Variants in TRIM34 observed in about 807,000 individuals in gnomAD.
The protein encoded by TRIM34 is tripartite motif containing 34, also known as E3 ubiquitin-protein ligase TRIM34.
Under a neutral mutation model 38.1 loss-of-function variants are expected in TRIM34, and 41 were observed. The ratio of observed to expected loss-of-function variants is 1.08; its 90% CI spans 0.84 to 1.40. The LOEUF (loss-of-function observed/expected upper bound fraction) is 1.40. Among genes scored for constraint, TRIM34 ranks in the 40% most tolerant of loss-of-function variants. The probability of loss-of-function intolerance (pLI) is 0.00; values close to 1 mark genes in which losing one functional copy is unlikely to be tolerated. For missense variants in TRIM34, 556 were observed against 571.4 expected, an observed-to-expected ratio of 0.97 and a Z score of 0.27; for synonymous variants, 200 against 202.5, an observed-to-expected ratio of 0.99 and a Z score of 0.10.
chr11:5,637,044 C>G (rs1247363070), intron 4 of TRIM34, among the ~76,000 whole-genome samples: 1 of 152,138 alleles, frequency 6.6e-6, no homozygotes, highest in Non-Finnish European at 1.5e-5. Context: ...GTGATGGCGG[C>G]TGCCTGTAGT....
Position 5,632,520 on chromosome 11 carries a change from C to G in TRIM34, c.189C>G (p.Tyr63Ter). The part of the protein sequence containing the change: ...KSSCPVCGIS[Y>*]SFEHLQANQH... ...GCTGTCCTGTGTGTGGTATCAGTTA[C>G]TCATTTGAACATCTACAGGCTAATC... The change falls in exon 2 of 8, where the codon TAC (tyrosine) becomes TAG (stop). Residue 63 changes from tyrosine to a stop codon, truncating the protein, a stop_gained. Transcript: ENST00000429814. LOFTEE classifies it high-confidence loss of function. 6.2e-7 allele frequency: 1 copy of G among 1,613,948 alleles called. No homozygotes were observed. Among genetic ancestry groups the G allele is most frequent in the Non-Finnish European group, 8.5e-7 (1 of 1,179,996 alleles).
chr11:5,638,561 T>C (rs1211525808), intron 4 of TRIM34, among the ~76,000 whole-genome samples: 2 of 152,174 alleles, frequency 1.3e-5, no homozygotes, highest in Non-Finnish European at 2.9e-5. Context: ...GTGGTGATGA[T>C]GGGGGAATGC....
chr11:5,633,852 G>C lies in TRIM34; in HGVS notation c.472G>C (p.Ala158Pro), dbSNP rs766560715. 54 of 1,614,002 alleles carry C rather than the reference G, an allele frequency of 3.3e-5. No individual in the cohort carries two copies. Among genetic ancestry groups the C allele is most frequent in the Admixed American group, 8.3e-5 (5 of 60,004 alleles). Residue 158 changes from alanine to proline, a missense_variant, in exon 3 of 8, where the codon GCT becomes CCT. Ala to Pro is a conservative substitution (Grantham distance 27, BLOSUM62 -1). Transcript: ENST00000429814. Reference sequence around the variant, plus strand: ...GAGGCTGAAGAAGGAAGAGGAGGAAGCTGAGAAGCTGGAAGCTGACATCAG... The same window carrying C: ...GAGGCTGAAGAAGGAAGAGGAGGAACCTGAGAAGCTGGAAGCTGACATCAG... ...LKRLKKEEEEAEKLEADIREE... is the reference protein window; with the variant it reads ...LKRLKKEEEEPEKLEADIREE...
In TRIM34 at chr11:5,632,316, C is replaced by A; in HGVS notation, c.-16C>A. 6.2e-7 allele frequency: 1 copy of A among 1,613,944 alleles called. No homozygotes were observed. The highest frequency in any genetic ancestry group is 8.5e-7 in the Non-Finnish European group (1 of 1,179,922). ...CCTCAGGAGTTAGGACCAGAAGAAG[C>A]CAGGGAAGCAGTGCAATGGCTTCAA... On this transcript the variant is annotated 5_prime_UTR_variant, in exon 2 of 8. Transcript: ENST00000429814.
intron 1 of TRIM34, among the ~76,000 whole-genome samples, chr11:5,627,316 G>T (rs1350079748): frequency 2.6e-5 from 4 of 152,044 alleles, no homozygotes; most frequent in Non-Finnish European, 5.9e-5. Flanking sequence ...GCAAGCAGAG[G>T]TTGCAGTGAG....
Position 5,642,515 on chromosome 11 carries a change from A to T in TRIM34, c.874+9A>T. Reference sequence around the variant, plus strand: ...GCTGCAAATGTTTAGAGGTGAGGAGAAGCAGACAAAGACTGTGGATGTGGG... The same window carrying T: ...GCTGCAAATGTTTAGAGGTGAGGAGTAGCAGACAAAGACTGTGGATGTGGG... On this transcript the variant is annotated intron_variant, in intron 6 of 7. Transcript: ENST00000429814. 3.7e-6 allele frequency: 6 copies of T among 1,613,172 alleles called. No homozygotes were observed. Among genetic ancestry groups the T allele is most frequent in the Non-Finnish European group, 5.1e-6 (6 of 1,179,528 alleles).
intron 1 of TRIM34, chr11:5,626,786 G>A (rs1168052304): frequency 2.6e-5 from 4 of 152,116 alleles, no homozygotes; most frequent in African/African-American, 9.7e-5. Context: ...GGAGGCTGAG[G>A]CAGGAGAATC....
chr11:5,641,906 C>T (rs1471870416), intron 5 of TRIM34, among the ~76,000 whole-genome samples: 3 of 152,112 alleles, frequency 2.0e-5, no homozygotes, highest in East Asian at 3.9e-4. Flanking sequence ...CTCAAATATG[C>T]GCCATTCCAC....
rs1215647700 is a variant in TRIM34 at position 5,643,750 on chromosome 11, A to C, written c.*41A>C. 2.0e-6 allele frequency: 3 copies of C among 1,531,298 alleles called. No individual in the cohort carries two copies. In the East Asian group the frequency reaches 6.8e-5, roughly 35 times the overall value. 94.9% of individuals were successfully genotyped at this position (1,531,298 alleles called of 1,614,324 possible). A position where few individuals can be genotyped will look rare whatever the true frequency, so the allele number is the denominator to read the frequency against. On this transcript the variant is annotated 3_prime_UTR_variant, in exon 8 of 8. Coordinates refer to ENST00000429814, the MANE Select transcript of TRIM34 (RefSeq NM_021616.6). ...CACCTACAACCCTTTGTCTTGACTT[A>C]TCTCCTGCAACTGACTCATCTGCAA...
rs1850108723 is a variant in TRIM34 at position 5,643,396 on chromosome 11, A to C, written c.1154A>C (p.Gln385Pro). ...KYVVRRCANR[Q>P]NLYTKYRPLF... ...GTTGTTAGAAGATGTGCAAATCGTC[A>C]AAATCTTTACACCAAATACAGACCT... Residue 385 changes from glutamine (Q) to proline (P), a missense_variant, in exon 8 of 8, where the codon CAA becomes CCA. Gln to Pro is a moderately conservative substitution (Grantham distance 76, BLOSUM62 -1). Transcript: ENST00000429814. 6.2e-7 allele frequency: 1 copy of C among 1,614,146 alleles called. No individual in the cohort carries two copies. Among genetic ancestry groups the C allele is most frequent in the African/African-American group, 1.3e-5 (1 of 75,032 alleles).
intron 1 of TRIM34, among the ~76,000 whole-genome samples, chr11:5,629,990 G>A (rs770406378): frequency 5.3e-5 from 8 of 152,184 alleles, no homozygotes; most frequent in Non-Finnish European, 1.0e-4. Flanking sequence ...ACAGGGGTGA[G>A]CCACCGCGCC....
chr11:5,638,735 C>T (rs1849852763), intron 4 of TRIM34, among the ~76,000 whole-genome samples: 1 of 152,138 alleles, frequency 6.6e-6, no homozygotes, highest in Non-Finnish European at 1.5e-5. Flanking sequence ...TTACTGGTGC[C>T]GTTTTTTCTT....
rs1461277877 is a variant in TRIM34, at chr11:5,632,281, G to C, written c.-51G>C. On this transcript the variant is annotated 5_prime_UTR_variant, in exon 2 of 8. Coordinates refer to ENST00000429814, the MANE Select transcript of TRIM34 (RefSeq NM_021616.6). ...CATCCAGGGGTCTTTAACCAGAAGA[G>C]AGAGGAGAGCCTCAGGAGTTAGGAC... 2.5e-6 allele frequency: 4 copies of C among 1,612,340 alleles called. No individual in the cohort carries two copies. The highest frequency in any genetic ancestry group is 3.4e-6 in the Non-Finnish European group (4 of 1,179,170).
intron 1 of TRIM34, among the ~76,000 whole-genome samples, chr11:5,626,052 C>T (rs1226051291): frequency 6.6e-6 from 1 of 152,168 alleles, no homozygotes; most frequent in African/African-American, 2.4e-5. Context: ...GCCATTCTGG[C>T]CTCTGCTCTC....
At chr11:5,632,051 G>A (rs1383621896) in intron 1 of TRIM34, among the ~76,000 whole-genome samples, 1 of 152,132 alleles carries the variant, frequency 6.6e-6, no homozygotes, top group Non-Finnish European at 1.5e-5. Context: ...GCAACAGGAT[G>A]GTAATTCTAG....
intron 2 of TRIM34, among the ~76,000 whole-genome samples, chr11:5,633,131 C>G (rs184067052): frequency 3.2e-4 from 45 of 142,576 alleles, no homozygotes; most frequent in Non-Finnish European, 6.1e-4. Flanking sequence ...AGCCACCATG[C>G]CCGGCCTTTT....
At chr11:5,639,713 G>C (rs1763138053) in intron 4 of TRIM34, among the ~76,000 whole-genome samples, 1 of 119,904 alleles carries the variant, frequency 8.3e-6, no homozygotes, top group Non-Finnish European at 1.8e-5. Flanking sequence ...AAAAAGATTG[G>C]AAGAGGTTGC....
At position 5,643,742 on chromosome 11, in the gene TRIM34, C is replaced by T. The variant is rs1319082891; in HGVS notation, c.*33C>T. On this transcript the variant is annotated 3_prime_UTR_variant, in exon 8 of 8. Transcript: ENST00000429814. ...CATTTCTTCACCTACAACCCTTTGT[C>T]TTGACTTATCTCCTGCAACTGACTC... 3 of 1,541,766 alleles carry T rather than the reference C, an allele frequency of 1.9e-6. No homozygotes were observed. Among genetic ancestry groups the T allele is most frequent in the Non-Finnish European group, 2.6e-6 (3 of 1,150,406 alleles).
At position 5,642,459 on chromosome 11, in the gene TRIM34, CTG is replaced by C; in HGVS notation, c.829_830del (p.Val277IlefsTer8). The C allele has an allele frequency of 6.2e-7, 1 of 1,613,894 alleles. No individual in the cohort carries two copies. Among genetic ancestry groups the C allele is most frequent in the Non-Finnish European group, 8.5e-7 (1 of 1,179,982 alleles). ...AAAATGGTTTCCAAGAAACTGAAGA[CTG>C]TATTCCATGCTCCAGATCTGAGTAG... On this transcript the variant is annotated frameshift_variant, in exon 6 of 8. Transcript: ENST00000429814. LOFTEE classifies it high-confidence loss of function.
Sources: gnomAD v4.1 joint callset for allele counts (sites outside exome capture counted in the v4.1 genomes callset) on GRCh38, gnomAD v4.1.1 for gene constraint, MANE v1.5 for transcripts, NCBI Gene and HGNC (gene_info 2026-07-23, HGNC 2026-07-21) for gene names.